The following DBF4 variants were observed in gnomAD, a reference collection of about 807,000 sequenced individuals.
The protein encoded by DBF4 is DBF4-CDC7 kinase regulatory subunit, also known as protein DBF4 homolog A.
DBF4 carries 25 observed loss-of-function variants against 76.6 expected under a neutral mutation model. That is an observed-to-expected ratio of 0.33 (90% CI 0.24 to 0.46). The LOEUF is 0.46. Among genes scored for constraint, DBF4 ranks in the 20% least tolerant of loss-of-function variants. The pLI is 1.00. For missense variants in DBF4, 638 were observed against 760.8 expected (o/e 0.84, Z 1.90); for synonymous variants, 213 against 258.0 (o/e 0.83, Z 1.67).
At chr7:87,877,929 C>A in intron 1 of DBF4, 124 bp from the exon 2 acceptor site, 2 of 804,850 alleles carry the variant, frequency 2.5e-6, no homozygotes, top group Non-Finnish European at 3.8e-6. Context: ...AAATACATTT[C>A]AATGCTAATA....
intron 3 of DBF4, among the ~76,000 whole-genome samples, chr7:87,885,764 G>A (rs892729559): frequency 6.6e-6 from 1 of 152,166 alleles, no homozygotes; most frequent in Non-Finnish European, 1.5e-5. Flanking sequence ...AGCTTAAAAT[G>A]TGTACTGTCT....
intron 2 of DBF4, among the ~76,000 whole-genome samples, chr7:87,880,526 C>G (rs1839184785): frequency 6.6e-6 from 1 of 152,076 alleles, no homozygotes; most frequent in South Asian, 2.1e-4. Flanking sequence ...ATATTTAATC[C>G]TCAGGTCCTG....
chr7:87,897,515 G>T (rs900685258), intron 8 of DBF4, among the ~76,000 whole-genome samples, 176 bp downstream of exon 8: 5 of 152,162 alleles, frequency 3.3e-5, no homozygotes, highest in Non-Finnish European at 4.4e-5. Context: ...TGTGCTCAAG[G>T]ACTGAATTTA....
Position 87,907,525 on chromosome 7 carries a change from G to C in DBF4, c.1387G>C (p.Asp463His). 10 of 1,613,990 alleles carry C rather than the reference G, an allele frequency of 6.2e-6. No individual in the cohort carries two copies. The highest frequency in any genetic ancestry group is 8.5e-6 in the Non-Finnish European group (10 of 1,179,948). The change falls in exon 12 of 12, where the codon GAC becomes CAC. Residue 463 changes from aspartate (D) to histidine (H), a missense_variant. Coordinates refer to ENST00000265728, the MANE Select transcript of DBF4 (RefSeq NM_006716.4). ...TAAAAACAAACAGGAATGCATTCTT[G>C]ACATTTCCGAACACACATTAAGTGA... ...LHKNKQECILDISEHTLSEND... is the reference protein window; with the variant it reads ...LHKNKQECILHISEHTLSEND...
rs1025836608 is a variant in DBF4 at position 87,908,478 on chromosome 7, G to C, written c.*315G>C. Reference sequence around the variant, plus strand: ...TGCAATTTGGGGAATATCAAACTTAGCATTATACATTTGGATATTCTAGTT... The same window carrying C: ...TGCAATTTGGGGAATATCAAACTTACCATTATACATTTGGATATTCTAGTT... On this transcript the variant is annotated 3_prime_UTR_variant, in exon 12 of 12. Coordinates refer to ENST00000265728, the MANE Select transcript of DBF4 (RefSeq NM_006716.4). 1.1e-5 allele frequency: 2 copies of C among 179,348 alleles called. No homozygotes were observed. Among genetic ancestry groups the C allele is most frequent in the Non-Finnish European group, 2.3e-5 (2 of 86,618 alleles). 11.1% of individuals were successfully genotyped at this position (179,348 alleles called of 1,614,324 possible). A position where few individuals can be genotyped will look rare whatever the true frequency, so the allele number is the denominator to read the frequency against.
At chr7:87,892,088 A>G (rs930136256) in intron 6 of DBF4, among the ~76,000 whole-genome samples, 2 of 152,250 alleles carry the variant, frequency 1.3e-5, no homozygotes, top group Non-Finnish European at 2.9e-5. Flanking sequence ...TGAACTTAAC[A>G]TTGACACATC....
intron 10 of DBF4, among the ~76,000 whole-genome samples, 157 bp downstream of exon 10, chr7:87,901,035 C>T (rs1321572820): frequency 6.6e-6 from 1 of 152,064 alleles, no homozygotes; most frequent in Non-Finnish European, 1.5e-5. Flanking sequence ...AAATACTGAG[C>T]GTCTACTACA....
At chr7:87,876,887 T>A in intron 1 of DBF4, 109 bp downstream of exon 1, 1 of 1,235,420 alleles carries the variant, frequency 8.1e-7, no homozygotes, top group South Asian at 1.3e-5. Flanking sequence ...TCTTTTCTTC[T>A]GACCGGCCTC....
In DBF4 at chr7:87,900,780, G is replaced by A. The variant is rs751464021; in HGVS notation, c.826G>A (p.Asp276Asn). 1.6e-5 allele frequency: 26 copies of A among 1,612,576 alleles called. No homozygotes were observed. Among genetic ancestry groups the A allele is most frequent in the Middle Eastern group, 1.6e-4 (1 of 6,078 alleles). ...TGTCATCAGAATCCAAACAGATGGC[G>A]ATAAGTATGGTGGAACCTCAATTCA... is the stretch of plus-strand genomic sequence containing the variant. ...QVKLRIQTDGDKYGGTSIQLQ... is the reference protein window; with the variant it reads ...QVKLRIQTDGNKYGGTSIQLQ... Residue 276 changes from aspartate to asparagine, a missense_variant, in exon 10 of 12, where the codon GAT becomes AAT. Asp to Asn is a conservative substitution (Grantham distance 23). Transcript: ENST00000265728.
chr7:87,895,541 TG>T, intron 6 of DBF4, among the ~76,000 whole-genome samples: 1 of 152,116 alleles, frequency 6.6e-6, no homozygotes, highest in Non-Finnish European at 1.5e-5. Flanking sequence ...TGTTCTGTCT[TG>T]GTGGTTGTGG....
intron 6 of DBF4, chr7:87,888,329 A>G: frequency 4.1e-6 from 4 of 983,454 alleles, no homozygotes; most frequent in Non-Finnish European, 4.8e-6. Flanking sequence ...ATTCTGTAGA[A>G]AAATCACTAA....
chr7:87,885,948 A>C (rs1839338673), intron 3 of DBF4, among the ~76,000 whole-genome samples: 1 of 152,214 alleles, frequency 6.6e-6, no homozygotes, highest in African/African-American at 2.4e-5. Context: ...TTCAGTTTTT[A>C]GGTTGAAGTG....
intron 6 of DBF4, among the ~76,000 whole-genome samples, chr7:87,893,334 T>G (rs994644202): frequency 3.3e-5 from 5 of 150,334 alleles, no homozygotes; most frequent in African/African-American, 9.8e-5. Flanking sequence ...CAAGCTCCGC[T>G]TCCCGGGTTC....
intron 3 of DBF4, among the ~76,000 whole-genome samples, chr7:87,886,323 G>T (rs1839350538): frequency 6.6e-6 from 1 of 151,982 alleles, no homozygotes; most frequent in African/African-American, 2.4e-5. Context: ...ACGAGGTCAG[G>T]AGTTCAAGAC....
chr7:87,887,172 T>C (rs970301620), intron 4 of DBF4, among the ~76,000 whole-genome samples, 157 bp from the exon 5 acceptor site: 1 of 152,234 alleles, frequency 6.6e-6, no homozygotes, highest in Non-Finnish European at 1.5e-5. Context: ...TTAGGAATTC[T>C]ATAGAAAATC....
chr7:87,888,453 C>A, intron 6 of DBF4: 2 of 417,976 alleles, frequency 4.8e-6, no homozygotes, highest in Non-Finnish European at 6.4e-6. Flanking sequence ...CTCGTTTTAG[C>A]ATAGCTAACT....
chr7:87,876,824 C>G (rs371552897), intron 1 of DBF4, 46 bp downstream of exon 1: 51 of 1,601,102 alleles, frequency 3.2e-5, no homozygotes, highest in Non-Finnish European at 4.3e-5. Flanking sequence ...TCCTTTCCTC[C>G]CCTCGTGGTT....
At chr7:87,892,798 T>C (rs1163499840) in intron 6 of DBF4, among the ~76,000 whole-genome samples, 2 of 152,234 alleles carry the variant, frequency 1.3e-5, no homozygotes, top group Non-Finnish European at 2.9e-5. Context: ...CTCATTGTCC[T>C]GTGGGGTTAC....
intron 3 of DBF4, among the ~76,000 whole-genome samples, chr7:87,886,558 A>AG (rs1839358035): frequency 6.7e-6 from 1 of 148,864 alleles, no homozygotes; most frequent in South Asian, 2.1e-4. Context: ...AAAAAAAAAA[A>AG]GGTGAAATAA....
Sources: allele counts gnomAD v4.1 joint callset (sites outside exome capture counted in the v4.1 genomes callset), GRCh38; gene constraint gnomAD v4.1.1; transcripts MANE v1.5; gene names NCBI Gene and HGNC (gene_info 2026-07-23, HGNC 2026-07-21).